The following KALRN variants were observed in gnomAD, a reference collection of about 807,000 sequenced individuals.
The protein encoded by KALRN is kalirin RhoGEF kinase.
KALRN carries 70 observed loss-of-function variants against 353.7 expected under a neutral mutation model. That is an observed-to-expected ratio of 0.20 (90% CI 0.16 to 0.24). KALRN has a LOEUF of 0.24. Ranked by LOEUF, KALRN falls within the 10% of genes least tolerant of loss-of-function variation. KALRN has a pLI of 1.00. For missense variants in KALRN, 2,791 were observed against 3,756.7 expected, an observed-to-expected ratio of 0.74 and a Z score of 6.72; for synonymous variants, 1,391 against 1,434.8, an observed-to-expected ratio of 0.97 and a Z score of 0.69.
chr3:124,659,988 G>A (rs997719534), intron 43 of KALRN, among the ~76,000 whole-genome samples: 5 of 151,546 alleles, frequency 3.3e-5, no homozygotes, highest in African/African-American at 7.2e-5. Context: ...CTGCAGTGCA[G>A]TGACACAGTC....
At chr3:124,382,848 C>T (rs1396825698) in intron 10 of KALRN, among the ~76,000 whole-genome samples, 1 of 152,144 alleles carries the variant, frequency 6.6e-6, no homozygotes, top group African/African-American at 2.4e-5. Flanking sequence ...ACCTGACCTA[C>T]AGCCGTAGAG....
chr3:124,309,233 A>AT lies in KALRN; in HGVS notation c.1092+10326dup, dbSNP rs1235286310. On this transcript the variant is annotated intron_variant, in intron 6 of 59. Transcript: ENST00000682506. ...CCAAACATTTAAAGAATTAATACTC[A>AT]TTTTTTGTAAGCTTATATTAAAAAA... Among the ~76,000 whole-genome samples the AT allele has an allele frequency of 1.2e-3, 174 of 149,992 alleles. 1 individual carries two copies. The highest frequency in any genetic ancestry group is 1.5e-3 in the Admixed American group (22 of 14,902).
chr3:124,246,600 CT>C (rs1032134563), intron 3 of KALRN, among the ~76,000 whole-genome samples: 5 of 152,038 alleles, frequency 3.3e-5, no homozygotes, highest in African/African-American at 1.2e-4. Flanking sequence ...CCTTATCTGC[CT>C]TTTATGGAGA....
intron 3 of KALRN, among the ~76,000 whole-genome samples, chr3:124,245,916 A>G (rs2148696972): frequency 6.6e-6 from 1 of 152,190 alleles, no homozygotes; most frequent in South Asian, 2.1e-4. Context: ...CACCAAATTT[A>G]TTTCCAAATT....
chr3:124,117,525 TG>T (rs1455078668), intron 1 of KALRN, among the ~76,000 whole-genome samples: 1 of 152,188 alleles, frequency 6.6e-6, no homozygotes, highest in Non-Finnish European at 1.5e-5. Context: ...TCATTCCTTT[TG>T]GCTAATATCA....
At chr3:124,390,575 T>C (rs1180354225) in intron 11 of KALRN, among the ~76,000 whole-genome samples, 1 of 152,202 alleles carries the variant, frequency 6.6e-6, no homozygotes, top group African/African-American at 2.4e-5. Context: ...TTGTACTGTT[T>C]ATTTAAGAAA....
At chr3:124,129,128 T>C (rs999545690) in intron 1 of KALRN, among the ~76,000 whole-genome samples, 3 of 152,140 alleles carry the variant, frequency 2.0e-5, no homozygotes, top group African/African-American at 7.2e-5. Flanking sequence ...TTCCTAAAAG[T>C]CACAGTCATT....
At chr3:124,306,988 G>T (rs892439080) in intron 6 of KALRN, among the ~76,000 whole-genome samples, 1 of 152,102 alleles carries the variant, frequency 6.6e-6, no homozygotes, top group Admixed American at 6.5e-5. Context: ...CACCTTATAA[G>T]AAATAATAAA....
chr3:124,113,812 A>G (rs2149526284), intron 1 of KALRN, among the ~76,000 whole-genome samples: 1 of 152,374 alleles, frequency 6.6e-6, no homozygotes, highest in African/African-American at 2.4e-5. Context: ...GGCCCAGCCC[A>G]GAATAATAAA....
intron 14 of KALRN, among the ~76,000 whole-genome samples, chr3:124,415,668 A>C (rs1560865234): frequency 6.6e-6 from 1 of 152,208 alleles, no homozygotes; most frequent in Non-Finnish European, 1.5e-5. Context: ...TTCATGAATA[A>C]GGCAGTGTTG....
intron 5 of KALRN, among the ~76,000 whole-genome samples, chr3:124,288,193 A>G (rs2076122328): frequency 1.3e-5 from 2 of 152,168 alleles, no homozygotes; most frequent in African/African-American, 4.8e-5. Flanking sequence ...ATATTTTTTA[A>G]GAAAACATTT....
chr3:124,239,529 T>C (rs2148632535), intron 3 of KALRN, among the ~76,000 whole-genome samples: 1 of 152,372 alleles, frequency 6.6e-6, no homozygotes, highest in Admixed American at 6.5e-5. Flanking sequence ...TGAGGAAAGA[T>C]AACAAGAAAT....
intron 34 of KALRN, among the ~76,000 whole-genome samples, chr3:124,604,303 G>A (rs2077102238): frequency 6.6e-6 from 1 of 152,088 alleles, no homozygotes; most frequent in African/African-American, 2.4e-5. Context: ...TGTTTTTTAA[G>A]CTTTCTCTAT....
chr3:124,474,886 T>C (rs1226351633), intron 26 of KALRN, among the ~76,000 whole-genome samples, 154 bp downstream of exon 26: 1 of 152,118 alleles, frequency 6.6e-6, no homozygotes, highest in Non-Finnish European at 1.5e-5. Flanking sequence ...TGGGAAAAGT[T>C]CTTAGACATC....
rs545276121 is a variant in KALRN, at chr3:124,096,367, A to G, written c.73+62554A>G. Among the ~76,000 whole-genome samples, 26 of 152,348 alleles carry G rather than the reference A, an allele frequency of 1.7e-4. No homozygotes were observed. The East Asian group carries it at 3.7e-3, about 22-fold the overall frequency. On this transcript the variant is annotated intron_variant, in intron 1 of 59. Coordinates refer to ENST00000682506, the MANE Select transcript of KALRN (RefSeq NM_001388419.1). The stretch of plus-strand genomic sequence containing the variant: ...AAATGGTAGTTTTCATTACCAAGGC[A>G]GTTAATTCTCACTCTCCAACAAACA...
At chr3:124,600,936 AAGAAGG>A (rs1199435557) in intron 34 of KALRN, among the ~76,000 whole-genome samples, 1 of 152,218 alleles carries the variant, frequency 6.6e-6, no homozygotes, top group African/African-American at 2.4e-5. Flanking sequence ...GGCTATGACT[AAGAAGG>A]AACATGGGCC....
intron 29 of KALRN, among the ~76,000 whole-genome samples, chr3:124,490,370 A>G (rs937531190): frequency 3.3e-5 from 5 of 152,342 alleles, no homozygotes; most frequent in Admixed American, 1.3e-4. Flanking sequence ...AGGACAAAGG[A>G]GCTATGGGAT....
At chr3:124,679,642 G>T (rs780718172) in intron 51 of KALRN, 125 bp downstream of exon 51, 171 of 827,662 alleles carry the variant, frequency 2.1e-4, no homozygotes, top group Non-Finnish European at 5.6e-5. Context: ...GCATCTCTGG[G>T]TATCCCATCC....
intron 1 of KALRN, among the ~76,000 whole-genome samples, chr3:124,185,075 G>A (rs1560174542): frequency 6.6e-6 from 1 of 152,166 alleles, no homozygotes; most frequent in African/African-American, 2.4e-5. Flanking sequence ...GAGTGCAATG[G>A]CGTGATCTTG....
Sources: gnomAD v4.1 joint callset for allele counts (sites outside exome capture counted in the v4.1 genomes callset) on GRCh38, gnomAD v4.1.1 for gene constraint, MANE v1.5 for transcripts, NCBI Gene and HGNC (gene_info 2026-07-23, HGNC 2026-07-21) for gene names.